Variants in CNTN5 observed in about 807,000 individuals in gnomAD.
The protein encoded by CNTN5 is contactin 5.
A neutral mutation model predicts 129.1 loss-of-function variants in CNTN5; 77 were observed. The observed-to-expected ratio is 0.60, with a 90% CI of 0.50 to 0.72. CNTN5 has a LOEUF of 0.72. CNTN5 is among the 30% of genes least tolerant of loss of function. The pLI, the probability that CNTN5 is intolerant of heterozygous loss-of-function variation, is 0.00. For missense variants in CNTN5, 1,478 were observed against 1,328.8 expected, an observed-to-expected ratio of 1.11 and a Z score of -1.75; for synonymous variants, 509 against 465.6, an observed-to-expected ratio of 1.09 and a Z score of -1.20.
chr11:99,934,910 A>G (rs1216608034), intron 7 of CNTN5, among the ~76,000 whole-genome samples: 17,544 of 33,344 alleles, frequency 0.53, 2,126 homozygotes, highest in East Asian at 0.64. Context: ...ATATATATAT[A>G]TATATATATA....
intron 3 of CNTN5, among the ~76,000 whole-genome samples, chr11:99,559,223 A>T (rs1494472): frequency 6.6e-6 from 1 of 151,978 alleles, no homozygotes; most frequent in East Asian, 1.9e-4. Flanking sequence ...GAGGGCCATT[A>T]AGCTGTGGAT....
At chr11:99,422,237 T>A (rs1942919701) in intron 2 of CNTN5, among the ~76,000 whole-genome samples, 1 of 152,136 alleles carries the variant, frequency 6.6e-6, no homozygotes. Flanking sequence ...CATCATAATA[T>A]GCAACCTGGG....
At chr11:99,859,818 A>T (rs1948152321) in intron 6 of CNTN5, among the ~76,000 whole-genome samples, 1 of 152,232 alleles carries the variant, frequency 6.6e-6, no homozygotes. Context: ...ATGTGAGTGC[A>T]TGGGTCTTTT....
At chr11:99,191,761 G>A (rs192090051) in intron 1 of CNTN5, among the ~76,000 whole-genome samples, 9 of 151,718 alleles carry the variant, frequency 5.9e-5, no homozygotes, top group South Asian at 4.2e-4. Flanking sequence ...AATATCCTGA[G>A]ACAATAAAAA....
chr11:99,763,149 G>A (rs866706840), intron 3 of CNTN5, among the ~76,000 whole-genome samples: 21 of 152,002 alleles, frequency 1.4e-4, no homozygotes, highest in Middle Eastern at 3.4e-3. Context: ...TGTTTTCTCT[G>A]AATTTTTCAT....
chr11:99,099,144 A>G (rs1425293224), intron 1 of CNTN5, among the ~76,000 whole-genome samples: 1 of 152,152 alleles, frequency 6.6e-6, no homozygotes, highest in Admixed American at 6.6e-5. Flanking sequence ...TTTTCAGTCA[A>G]GAAATTTACC....
intron 2 of CNTN5, among the ~76,000 whole-genome samples, chr11:99,408,263 G>A (rs1591637995): frequency 6.6e-6 from 1 of 151,014 alleles, no homozygotes; most frequent in East Asian, 2.0e-4. Flanking sequence ...CTGTTGCCCA[G>A]GCTGGAGTGC....
At chr11:99,367,006 T>C (rs1939491101) in intron 2 of CNTN5, among the ~76,000 whole-genome samples, 1 of 152,130 alleles carries the variant, frequency 6.6e-6, no homozygotes, top group South Asian at 2.1e-4. Flanking sequence ...GGAAAAATAA[T>C]TTGTTTTTGA....
chr11:100,336,896 T>C (rs193118244), intron 21 of CNTN5: 20 of 564,480 alleles, frequency 3.5e-5, no homozygotes, highest in Admixed American at 2.0e-4. Flanking sequence ...CAGCAACTCA[T>C]AGGGCAGCCG....
At chr11:100,024,297 A>T (rs575367992) in intron 9 of CNTN5, among the ~76,000 whole-genome samples, 4 of 151,968 alleles carry the variant, frequency 2.6e-5, no homozygotes, top group Middle Eastern at 3.2e-3. Context: ...ACCTTCCCCC[A>T]TGATTGTAAG....
At chr11:99,269,065 T>A (rs1179593125) in intron 1 of CNTN5, among the ~76,000 whole-genome samples, 1 of 151,908 alleles carries the variant, frequency 6.6e-6, no homozygotes, top group Non-Finnish European at 1.5e-5. Context: ...TTTCCTCTGT[T>A]TTATGTTTGT....
intron 18 of CNTN5, among the ~76,000 whole-genome samples, chr11:100,282,080 G>C (rs1342559899): frequency 6.7e-6 from 1 of 150,248 alleles, no homozygotes; most frequent in Non-Finnish European, 1.5e-5. Context: ...GTTTCTCCAG[G>C]ATTGGTCCCC....
chr11:99,813,065 AG>A (rs2135525991), intron 3 of CNTN5, among the ~76,000 whole-genome samples: 2 of 152,226 alleles, frequency 1.3e-5, no homozygotes, highest in South Asian at 4.1e-4. Flanking sequence ...AAATTCCACA[AG>A]TCAGGTATCA....
intron 4 of CNTN5, among the ~76,000 whole-genome samples, chr11:99,827,044 G>C (rs956085869): frequency 2.6e-5 from 4 of 152,076 alleles, no homozygotes; most frequent in African/African-American, 9.7e-5. Flanking sequence ...TATTTGGTCA[G>C]AGCAGCTGTG....
intron 10 of CNTN5, among the ~76,000 whole-genome samples, chr11:100,069,588 G>A (rs775649357): frequency 1.3e-5 from 2 of 151,986 alleles, no homozygotes; most frequent in Non-Finnish European, 2.9e-5. Flanking sequence ...CTCTAAGATC[G>A]AACAAGAACT....
intron 1 of CNTN5, among the ~76,000 whole-genome samples, chr11:99,233,900 C>G (rs1011456735): frequency 2.6e-5 from 4 of 151,948 alleles, no homozygotes; most frequent in Non-Finnish European, 5.9e-5. Context: ...GAGCGGAGAT[C>G]GCACCACTGC....
At chr11:99,804,233 T>C (rs1157175774) in intron 3 of CNTN5, among the ~76,000 whole-genome samples, 1 of 152,064 alleles carries the variant, frequency 6.6e-6, no homozygotes, top group African/African-American at 2.4e-5. Context: ...TTGGAAAAAG[T>C]TACTTGATAA....
At chr11:99,649,708 G>A (rs1371684795) in intron 3 of CNTN5, among the ~76,000 whole-genome samples, 1 of 150,406 alleles carries the variant, frequency 6.6e-6, no homozygotes, top group Non-Finnish European at 1.5e-5. Context: ...TAAGAAGGGG[G>A]CTCACTGAAG....
intron 8 of CNTN5, among the ~76,000 whole-genome samples, chr11:99,982,618 G>C: frequency 6.6e-6 from 1 of 151,984 alleles, no homozygotes; most frequent in East Asian, 1.9e-4. Context: ...ATCCAAGACA[G>C]GTCAAATTTA....
Sources: allele counts gnomAD v4.1 joint callset (sites outside exome capture counted in the v4.1 genomes callset), GRCh38; gene constraint gnomAD v4.1.1; transcripts MANE v1.5; gene names NCBI Gene and HGNC (gene_info 2026-07-23, HGNC 2026-07-21).